TRIM54: variants seen among roughly 807,000 people sequenced by gnomAD.
TRIM54 encodes tripartite motif containing 54, also known as tripartite motif-containing protein 54.
A neutral mutation model predicts 42.0 loss-of-function variants in TRIM54; 40 were observed. The ratio of observed to expected loss-of-function variants is 0.95; its 90% CI spans 0.74 to 1.24. The LOEUF (loss-of-function observed/expected upper bound fraction) is 1.24. Among genes scored for constraint, TRIM54 ranks in the 50% most tolerant of loss-of-function variants. The pLI, the probability that TRIM54 is intolerant of heterozygous loss-of-function variation, is 0.00. For missense variants in TRIM54, 485 were observed against 480.3 expected (o/e 1.01, Z -0.09); for synonymous variants, 199 against 194.9 (o/e 1.02, Z -0.17).
intron 1 of TRIM54, 43 bp from the exon 2 acceptor site, chr2:27,298,524 A>C: frequency 6.4e-7 from 1 of 1,566,994 alleles, no homozygotes; most frequent in East Asian, 2.3e-5. Context: ...GAGTCCCTTC[A>C]TGCCTCCCCG....
rs1366853400 is a variant in TRIM54 at position 27,306,482 on chromosome 2, G to A, written c.1018G>A (p.Ala340Thr). 1 of 1,587,892 alleles carries A rather than the reference G, an allele frequency of 6.3e-7. No homozygotes were observed. The highest frequency in any genetic ancestry group is 1.1e-5 in the South Asian group (1 of 88,422). Residue 340 changes from alanine (A) to threonine (T), a missense_variant, in exon 8 of 9, where the codon GCC (alanine) becomes ACC (threonine). By Grantham distance (58) the Ala-to-Thr change is moderately conservative (BLOSUM62 0). Coordinates refer to ENST00000380075, the MANE Select transcript of TRIM54 (RefSeq NM_187841.3). The surrounding 1 kb of genome is among the most constrained non-coding windows in gnomAD (Gnocchi z 6.1). ...CGCTTCCGGGGAGGAAGAGGAGGTG[G>A]CCCCAGACGGAGAGGAGGGCAGCGC... is the stretch of plus-strand genomic sequence containing the variant. The part of the protein sequence containing the change: ...PGASGEEEEV[A>T]PDGEEGSAGP...
chr2:27,290,164 GCTAT>G (rs1678679188), intron 1 of TRIM54, among the ~76,000 whole-genome samples: 3 of 151,744 alleles, frequency 2.0e-5, no homozygotes, highest in Admixed American at 2.0e-4. Flanking sequence ...GAGCCACCGT[GCTAT>G]CTTTTTAAGA....
Position 27,290,535 on chromosome 2 carries a change from G to A in TRIM54, c.168+7636G>A, listed in dbSNP as rs548581150. Reference sequence around the variant, plus strand: ...CAAAAAATTAGCCGGGCATGGTGGCGGGCGCCTAGCTGAGGCAAGAGAATC... The same window carrying A: ...CAAAAAATTAGCCGGGCATGGTGGCAGGCGCCTAGCTGAGGCAAGAGAATC... On this transcript the variant is annotated intron_variant, in intron 1 of 8. Coordinates refer to ENST00000380075, the MANE Select transcript of TRIM54 (RefSeq NM_187841.3). Among the ~76,000 whole-genome samples the A allele has an allele frequency of 3.3e-5, 5 of 152,166 alleles. 1 individual carries two copies. The highest frequency in any genetic ancestry group is 2.4e-5 in the African/African-American group (1 of 41,522).
chr2:27,287,505 C>A (rs1678606610), intron 1 of TRIM54, among the ~76,000 whole-genome samples: 1 of 151,438 alleles, frequency 6.6e-6, no homozygotes, highest in South Asian at 2.1e-4. Flanking sequence ...CTGTTCCTGA[C>A]CGAAAAGGGT....
rs1466768968 is a variant in TRIM54 at position 27,307,162 on chromosome 2, ACTGGTG to A, written c.*278_*283del. 2 of 320,378 alleles carry A rather than the reference ACTGGTG, an allele frequency of 6.2e-6. No individual in the cohort carries two copies. Among genetic ancestry groups the A allele is most frequent in the Non-Finnish European group, 1.2e-5 (2 of 172,366 alleles). The allele number at this position is 320,378 out of a possible 1,614,324, so 19.8% of individuals were successfully genotyped here. A position where few individuals can be genotyped will look rare whatever the true frequency, so the allele number is the denominator to read the frequency against. The stretch of plus-strand genomic sequence containing the variant: ...GGCACCTCTGTGATGCCAGGAGCGA[ACTGGTG>A]AGCCCAGCGCCCTGGGAAGAGGGCC... On this transcript the variant is annotated 3_prime_UTR_variant, in exon 9 of 9. Coordinates refer to ENST00000380075, the MANE Select transcript of TRIM54 (RefSeq NM_187841.3). The surrounding 1 kb of genome is among the most constrained non-coding windows in gnomAD (Gnocchi z 6.9).
intron 1 of TRIM54, among the ~76,000 whole-genome samples, chr2:27,283,916 C>T (rs1207764258): frequency 5.9e-5 from 9 of 152,058 alleles, no homozygotes; most frequent in Non-Finnish European, 1.0e-4. Flanking sequence ...CAGCAGATCA[C>T]GAGGTCAGGA....
intron 2 of TRIM54, 76 bp downstream of exon 2, chr2:27,298,815 G>A (rs1678943903): frequency 6.7e-7 from 1 of 1,493,014 alleles, no homozygotes; most frequent in African/African-American, 1.4e-5. Flanking sequence ...GAGCCAAAAG[G>A]GAGAGATTGA....
chr2:27,304,815 G>A (rs1428714418), intron 3 of TRIM54, 144 bp from the exon 4 acceptor site: 8 of 624,716 alleles, frequency 1.3e-5, no homozygotes, highest in Non-Finnish European at 2.0e-5. Context: ...CCTCTTGATG[G>A]TTCAAGCCTT....
chr2:27,290,558 A>G (rs1346627533), intron 1 of TRIM54, among the ~76,000 whole-genome samples: 1 of 152,170 alleles, frequency 6.6e-6, no homozygotes, highest in Non-Finnish European at 1.5e-5. Flanking sequence ...AGGCAAGAGA[A>G]TCGCTTGAAC....
At position 27,306,475 on chromosome 2, in the gene TRIM54, G is replaced by A. The variant is rs1253224885; in HGVS notation, c.1011G>A (p.Glu337=). 3.8e-6 allele frequency: 6 copies of A among 1,592,342 alleles called. No individual in the cohort carries two copies. The South Asian group carries it at 4.5e-5, about 12-fold the overall frequency. Residue 337 remains glutamate (E), a synonymous_variant, in exon 8 of 9, where the codon GAG becomes GAA. Transcript: ENST00000380075. The surrounding 1 kb of genome is among the most constrained non-coding windows in gnomAD (Gnocchi z 6.1). ...GCTCAGGCGCTTCCGGGGAGGAAGA[G>A]GAGGTGGCCCCAGACGGAGAGGAGG... ...DFQPGASGEE[E]EVAPDGEEGS... is the part of the protein sequence containing the mutation.
At chr2:27,292,266 C>A (rs779832496) in intron 1 of TRIM54, among the ~76,000 whole-genome samples, 2 of 152,200 alleles carry the variant, frequency 1.3e-5, no homozygotes, top group Non-Finnish European at 2.9e-5. Flanking sequence ...GTCCTGATTA[C>A]TTTTTTCTTT....
chr2:27,291,787 G>A (rs1392782160), intron 1 of TRIM54, among the ~76,000 whole-genome samples: 1 of 152,242 alleles, frequency 6.6e-6, no homozygotes, highest in Non-Finnish European at 1.5e-5. Context: ...CTGCCCTGGA[G>A]ATTAAGATGA....
At position 27,307,412 on chromosome 2, in the gene TRIM54, C is replaced by G. The variant is rs1474272642; in HGVS notation, c.*527C>G. 5 of 1,509,534 alleles carry G rather than the reference C, an allele frequency of 3.3e-6. No individual in the cohort carries two copies. The African/African-American group carries it at 5.6e-5, about 17-fold the overall frequency. The allele number at this position is 1,509,534 out of a possible 1,614,324, so 93.5% of individuals were successfully genotyped here. A position where few individuals can be genotyped will look rare whatever the true frequency, so the allele number is the denominator to read the frequency against. On this transcript the variant is annotated 3_prime_UTR_variant, in exon 9 of 9. Coordinates refer to ENST00000380075, the MANE Select transcript of TRIM54 (RefSeq NM_187841.3). This position sits in a 1 kb window ranked among gnomAD's most constrained non-coding sequence, Gnocchi z 6.9. ...GACAAAAGCCAACGGGTCTTCAGTA[C>G]TTTTATTAAAAAATAGTCACGCAGA...
Position 27,306,307 on chromosome 2 carries a change from G to A in TRIM54, c.961G>A (p.Glu321Lys), listed in dbSNP as rs868422808. 2.5e-6 allele frequency: 4 copies of A among 1,614,012 alleles called. No individual in the cohort carries two copies. Among genetic ancestry groups the A allele is most frequent in the Admixed American group, 1.7e-5 (1 of 60,012 alleles). ...QFTVRVEHVA[E>K]MLRTIDFQPG... The stretch of plus-strand genomic sequence containing the variant: ...CACCGTAAGGGTGGAGCACGTGGCC[G>A]AAATGCTGCGGACCATCGACTTCCA... The change falls in exon 7 of 9, where the codon GAA (glutamate) becomes AAA (lysine). Residue 321 changes from glutamate to lysine, a missense_variant. By Grantham distance (56) the Glu-to-Lys change is moderately conservative. Transcript: ENST00000380075. The surrounding 1 kb of genome is among the most constrained non-coding windows in gnomAD (Gnocchi z 6.1).
intron 3 of TRIM54, among the ~76,000 whole-genome samples, chr2:27,302,202 G>A (rs911907671): frequency 6.6e-6 from 1 of 151,982 alleles, no homozygotes; most frequent in East Asian, 1.9e-4. Context: ...TGTAATCCCA[G>A]TACTTTGGGA....
chr2:27,285,217 A>G (rs531005578), intron 1 of TRIM54, among the ~76,000 whole-genome samples: 36 of 152,332 alleles, frequency 2.4e-4, no homozygotes, highest in Admixed American at 7.8e-4. Context: ...GTGTATCTCA[A>G]TATATCTCAG....
chr2:27,303,623 C>G (rs1472051553), intron 3 of TRIM54, among the ~76,000 whole-genome samples: 1 of 151,924 alleles, frequency 6.6e-6, no homozygotes, highest in Non-Finnish European at 1.5e-5. Flanking sequence ...ATTGCGCCAC[C>G]TGGCTTTCAA....
rs547941372 is a variant in TRIM54, at chr2:27,284,970, G to A, written c.168+2071G>A. 2.0e-5 allele frequency among the ~76,000 whole-genome samples: 3 copies of A among 152,232 alleles called. No homozygotes were observed. In the South Asian group the frequency reaches 6.2e-4, roughly 32 times the overall value. ...TCAGTTCCAGAAAGCTCTAGAATAC[G>A]GATCTGGGCTCAGAGAGACCTTGGA... On this transcript the variant is annotated intron_variant, in intron 1 of 8. Transcript: ENST00000380075.
At chr2:27,298,117 G>C (rs969086886) in intron 1 of TRIM54, among the ~76,000 whole-genome samples, 1 of 151,932 alleles carries the variant, frequency 6.6e-6, no homozygotes, top group Non-Finnish European at 1.5e-5. Context: ...CCATTGTTGA[G>C]CACTTGTATC....
Sources: gnomAD v4.1 joint callset for allele counts (sites outside exome capture counted in the v4.1 genomes callset) on GRCh38, gnomAD v4.1.1 for gene constraint, Gnocchi (gnomAD v3.1) non-coding constraint, MANE v1.5 for transcripts, NCBI Gene and HGNC (gene_info 2026-07-23, HGNC 2026-07-21) for gene names.